CFAP99: variants seen among roughly 807,000 people sequenced by gnomAD.
CFAP99 encodes cilia and flagella associated protein 99.
CFAP99 carries 84 observed loss-of-function variants against 82.7 expected under a neutral mutation model. The observed-to-expected ratio is 1.02, with a 90% confidence interval of 0.85 to 1.22. The LOEUF (loss-of-function observed/expected upper bound fraction) is 1.22. Among genes scored for constraint, CFAP99 ranks in the 50% most tolerant of loss-of-function variants. The probability of loss-of-function intolerance (pLI) is 0.00; values close to 1 mark genes in which losing one functional copy is unlikely to be tolerated. For missense variants in CFAP99, 1,059 were observed against 983.5 expected (o/e 1.08, Z -1.03); for synonymous variants, 456 against 429.5 (o/e 1.06, Z -0.76).
intron 8 of CFAP99, 64 bp downstream of exon 8, chr4:2,450,069 C>A: frequency 6.8e-7 from 1 of 1,466,192 alleles, no homozygotes; most frequent in South Asian, 1.2e-5. Context: ...TCAGAAAGTT[C>A]CTCCCAACGC....
rs569546210 is a variant in CFAP99 at position 2,429,889 on chromosome 4, C to T, written c.111+3303C>T. On this transcript the variant is annotated intron_variant, in intron 2 of 14. Transcript: ENST00000635017. Reference sequence around the variant, plus strand: ...TACAGGCATGAGCCACTGCACCCAGCCTTTTCAGATGCTTTCAAAAGCCCC... The same window carrying T: ...TACAGGCATGAGCCACTGCACCCAGTCTTTTCAGATGCTTTCAAAAGCCCC... 7.2e-5 allele frequency among the ~76,000 whole-genome samples: 11 copies of T among 152,364 alleles called. No homozygotes were observed. In the South Asian group the frequency reaches 2.1e-3, roughly 29 times the overall value.
At chr4:2,454,581 C>CTTTTTTTTTTTTGTTTT (rs1459688913) in intron 11 of CFAP99, among the ~76,000 whole-genome samples, 6 of 94,706 alleles carry the variant, frequency 6.3e-5, no homozygotes, top group African/African-American at 1.3e-4. Flanking sequence ...TGTTTTTTTT[C>CTTTTTTTTTTTTGTTTT]TTTTTTTTTT....
At chr4:2,450,855 C>T in intron 8 of CFAP99, 92 bp from the exon 9 acceptor site, 1 of 1,099,774 alleles carries the variant, frequency 9.1e-7, no homozygotes, top group Non-Finnish European at 1.3e-6. Flanking sequence ...CAGGCCTCCC[C>T]AGGGTGCTGG....
chr4:2,449,065 G>A (rs1362957499), intron 6 of CFAP99, among the ~76,000 whole-genome samples: 1 of 152,142 alleles, frequency 6.6e-6, no homozygotes, highest in East Asian at 1.9e-4. Context: ...ACTGTTAGAT[G>A]TGCAGGGGAG....
At chr4:2,441,917 C>T (rs1245669871) in intron 4 of CFAP99, among the ~76,000 whole-genome samples, 1 of 152,200 alleles carries the variant, frequency 6.6e-6, no homozygotes. Context: ...GGAGGTGGCG[C>T]TCCTCACTCT....
At chr4:2,422,395 T>C (rs1430347726) in intron 1 of CFAP99, among the ~76,000 whole-genome samples, 4 of 152,120 alleles carry the variant, frequency 2.6e-5, no homozygotes, top group Non-Finnish European at 5.9e-5. Context: ...CAACTTGGTT[T>C]GTCCATTTAT....
intron 1 of CFAP99, among the ~76,000 whole-genome samples, chr4:2,423,927 C>A (rs898721343): frequency 1.3e-5 from 2 of 152,250 alleles, no homozygotes; most frequent in East Asian, 3.8e-4. Context: ...GGCAGGCTCC[C>A]GGGCAGTGAC....
At chr4:2,449,857 G>A in intron 7 of CFAP99, 77 bp from the exon 8 acceptor site, 1 of 1,529,150 alleles carries the variant, frequency 6.5e-7, no homozygotes, top group Non-Finnish European at 8.8e-7. Context: ...GAGGCTGGGT[G>A]GAAGTTCGTC....
intron 2 of CFAP99, among the ~76,000 whole-genome samples, chr4:2,433,064 C>A (rs1274313890): frequency 6.6e-6 from 1 of 151,824 alleles, no homozygotes; most frequent in Non-Finnish European, 1.5e-5. Flanking sequence ...GTGGCAAGGA[C>A]CTGGCCGTGG....
chr4:2,442,133 C>A (rs925250605), intron 4 of CFAP99, among the ~76,000 whole-genome samples: 1 of 152,138 alleles, frequency 6.6e-6, no homozygotes, highest in African/African-American at 2.4e-5. Context: ...CCAGCTGAGA[C>A]GCTGAGTGTG....
At chr4:2,450,318 A>C in intron 8 of CFAP99, 2 of 411,796 alleles carry the variant, frequency 4.9e-6, no homozygotes, top group South Asian at 2.9e-5. Context: ...GGAAAAAACA[A>C]ACCCAGGTAT....
chr4:2,438,962 G>C (rs991044907), intron 4 of CFAP99, among the ~76,000 whole-genome samples: 1 of 152,140 alleles, frequency 6.6e-6, no homozygotes, highest in Non-Finnish European at 1.5e-5. Context: ...ATTGGTTCAG[G>C]GCCAGTGATG....
At chr4:2,458,425 A>G (rs1734486646) in intron 11 of CFAP99, among the ~76,000 whole-genome samples, 1 of 151,960 alleles carries the variant, frequency 6.6e-6, no homozygotes, top group Non-Finnish European at 1.5e-5. Context: ...TACTGGGTGC[A>G]CTGGGTCTCT....
chr4:2,455,751 A>G (rs1722153029), intron 11 of CFAP99, among the ~76,000 whole-genome samples: 1 of 152,196 alleles, frequency 6.6e-6, no homozygotes, highest in Non-Finnish European at 1.5e-5. Context: ...AGTCTTCTCT[A>G]CTGGTCTAAG....
Position 2,421,099 on chromosome 4 carries a change from C to T in CFAP99, c.-18+2006C>T, listed in dbSNP as rs139855415. Among the ~76,000 whole-genome samples the T allele has an allele frequency of 2.5e-3, 387 of 152,296 alleles. 1 individual carries two copies. Among genetic ancestry groups the T allele is most frequent in the African/African-American group, 7.7e-3 (321 of 41,558 alleles). ...GAAAAGCAACTAGCAAAAGCTGCCA[C>T]GTGGGGTTGTGCTTTAAGCACAAGC... On this transcript the variant is annotated intron_variant, in intron 1 of 14. Transcript: ENST00000635017.
At chr4:2,429,793 G>A (rs942663975) in intron 2 of CFAP99, among the ~76,000 whole-genome samples, 2 of 152,068 alleles carry the variant, frequency 1.3e-5, no homozygotes, top group Non-Finnish European at 1.5e-5. Context: ...GGGTTTCACT[G>A]TGTTAGCCAG....
At chr4:2,420,881 G>A (rs1733571206) in intron 1 of CFAP99, among the ~76,000 whole-genome samples, 1 of 152,168 alleles carries the variant, frequency 6.6e-6, no homozygotes, top group Admixed American at 6.5e-5. Flanking sequence ...AGATGGATAT[G>A]CCTCTCTCGT....
At chr4:2,421,006 T>C (rs73074356) in intron 1 of CFAP99, among the ~76,000 whole-genome samples, 1 of 152,136 alleles carries the variant, frequency 6.6e-6, no homozygotes, top group African/African-American at 2.4e-5. Flanking sequence ...CATCTTTCAA[T>C]TGGGCAGCAG....
At chr4:2,434,197 A>G (rs1401935642) in intron 2 of CFAP99, among the ~76,000 whole-genome samples, 1 of 152,216 alleles carries the variant, frequency 6.6e-6, no homozygotes, top group African/African-American at 2.4e-5. Flanking sequence ...TATCCGGGAA[A>G]GGCCCAGCGG....
Sources: gnomAD v4.1 joint callset for allele counts (sites outside exome capture counted in the v4.1 genomes callset) on GRCh38, gnomAD v4.1.1 for gene constraint, MANE v1.5 for transcripts, NCBI Gene and HGNC (gene_info 2026-07-23, HGNC 2026-07-21) for gene names.